The following WDR59 variants were observed in gnomAD, a reference collection of about 807,000 sequenced individuals.
WDR59 encodes the protein WD repeat domain 59.
WDR59 carries 100 observed loss-of-function variants against 131.2 expected under a neutral mutation model. The ratio of observed to expected loss-of-function variants is 0.76; its 90% CI spans 0.65 to 0.90. The LOEUF is 0.90. WDR59 is among the 40% of genes least tolerant of loss of function. The pLI, the probability that WDR59 is intolerant of heterozygous loss-of-function variation, is 0.00. For missense variants in WDR59, 1,203 were observed against 1,262.2 expected, an observed-to-expected ratio of 0.95 and a Z score of 0.71; for synonymous variants, 601 against 466.2, an observed-to-expected ratio of 1.29 and a Z score of -3.72.
intron 20 of WDR59, among the ~76,000 whole-genome samples, chr16:74,890,070 A>T (rs1045703435): frequency 4.6e-5 from 7 of 152,244 alleles, no homozygotes; most frequent in Non-Finnish European, 1.0e-4. Flanking sequence ...AAAATTTTTC[A>T]TTAAGCAAAC....
intron 13 of WDR59, 133 bp downstream of exon 13, chr16:74,915,737 A>T: frequency 2.2e-6 from 3 of 1,390,208 alleles, no homozygotes; most frequent in Non-Finnish European, 3.0e-6. Flanking sequence ...AAACCCAGGA[A>T]ATAAAAAAGC....
intron 25 of WDR59, among the ~76,000 whole-genome samples, chr16:74,885,122 C>CT (rs1046211743): frequency 5.3e-5 from 8 of 152,188 alleles, no homozygotes; most frequent in African/African-American, 2.4e-5. Flanking sequence ...CTCATCCGCG[C>CT]TGGAGTACTG....
intron 24 of WDR59, 80 bp downstream of exon 24, chr16:74,886,190 A>T: frequency 6.9e-7 from 1 of 1,448,718 alleles, no homozygotes; most frequent in South Asian, 1.3e-5. Flanking sequence ...AAAAAAAAAA[A>T]GTAAGAGTTG....
At chr16:74,951,230 T>C (rs1436793024) in intron 4 of WDR59, among the ~76,000 whole-genome samples, 1 of 149,988 alleles carries the variant, frequency 6.7e-6, no homozygotes, top group Non-Finnish European at 1.5e-5. Context: ...ATCCGGGATA[T>C]GGTCTGGGAT....
intron 1 of WDR59, chr16:74,979,154 C>G (rs1271588897): frequency 6.6e-6 from 1 of 151,982 alleles, no homozygotes; most frequent in Non-Finnish European, 1.5e-5. Context: ...CGCACTAGCC[C>G]CATTTCCATC....
intron 13 of WDR59, 62 bp from the exon 14 acceptor site, chr16:74,912,424 C>T: frequency 6.5e-7 from 1 of 1,547,278 alleles, no homozygotes; most frequent in Non-Finnish European, 8.8e-7. Flanking sequence ...TCGATGCAAG[C>T]ACATTTAACT....
intron 22 of WDR59, 82 bp from the exon 23 acceptor site, chr16:74,887,837 G>T: frequency 7.2e-7 from 1 of 1,382,792 alleles, no homozygotes; most frequent in Admixed American, 1.8e-5. Context: ...AAAACAGCAG[G>T]CCAAGCACGG....
chr16:74,892,687 C>T (rs1179243764), intron 19 of WDR59, 122 bp from the exon 20 acceptor site: 5 of 830,848 alleles, frequency 6.0e-6, no homozygotes, highest in Admixed American at 2.5e-5. Context: ...TGTTTTATTC[C>T]GCGTTGGCCT....
intron 6 of WDR59, among the ~76,000 whole-genome samples, chr16:74,945,469 T>C (rs973327226): frequency 6.6e-6 from 1 of 151,534 alleles, no homozygotes; most frequent in Non-Finnish European, 1.5e-5. Flanking sequence ...AGAGCGAGAC[T>C]CTGTCTCAAA....
At position 74,961,326 on chromosome 16, in the gene WDR59, C is replaced by A. The variant is rs183480078; in HGVS notation, c.104+4447G>T. ...AAAACAACAACAACAACAAAAAAAA[C>A]CCAATATAAGAAAATGAAAGTTCTA... On this transcript the variant is annotated intron_variant, in intron 2 of 25. Transcript: ENST00000262144. 1.8e-3 allele frequency among the ~76,000 whole-genome samples: 280 copies of A among 152,078 alleles called. 3 individuals carry two copies. Among genetic ancestry groups the A allele is most frequent in the Non-Finnish European group, 3.3e-3 (225 of 67,948 alleles).
intron 2 of WDR59, among the ~76,000 whole-genome samples, chr16:74,964,596 T>C (rs562767400): frequency 6.6e-6 from 1 of 152,278 alleles, no homozygotes; most frequent in East Asian, 1.9e-4. Flanking sequence ...AATTAAAACA[T>C]AATTTCAAAA....
At chr16:74,980,774 C>G (rs952775985) in intron 1 of WDR59, among the ~76,000 whole-genome samples, 1 of 151,376 alleles carries the variant, frequency 6.6e-6, no homozygotes, top group African/African-American at 2.4e-5. Flanking sequence ...GAGTTCAAGA[C>G]CAGCCTGGCC....
intron 25 of WDR59, among the ~76,000 whole-genome samples, chr16:74,875,166 C>T (rs1286282220): frequency 1.3e-5 from 2 of 152,222 alleles, no homozygotes; most frequent in Admixed American, 1.3e-4. Context: ...GCCCACTCGC[C>T]ACTGGCCCAA....
At chr16:74,920,518 A>G (rs1387714808) in intron 10 of WDR59, among the ~76,000 whole-genome samples, 1 of 152,180 alleles carries the variant, frequency 6.6e-6, no homozygotes, top group Non-Finnish European at 1.5e-5. Flanking sequence ...CTCCTGCCTC[A>G]GCCTCCGAAG....
intron 8 of WDR59, among the ~76,000 whole-genome samples, chr16:74,929,403 C>A (rs2031181523): frequency 6.6e-6 from 1 of 152,156 alleles, no homozygotes; most frequent in African/African-American, 2.4e-5. Context: ...GGAAGACATA[C>A]AAATGGCAAA....
Position 74,886,327 on chromosome 16 carries a change from C to G in WDR59, c.2489G>C (p.Ser830Thr), listed in dbSNP as rs371289271. Residue 830 changes from serine (S) to threonine (T), a missense_variant, in exon 24 of 26, where the codon AGT becomes ACT. Ser to Thr is a moderately conservative substitution (Grantham distance 58, BLOSUM62 1). Transcript: ENST00000262144. Reference protein sequence around the residue: ...ESSPEELRFGSLTYSDPRERE... With the variant: ...ESSPEELRFGTLTYSDPRERE... ...CTCACGGGGATCACTGTAGGTCAGA[C>G]TCCCAAAGCGGAGCTCTTCTGGTGA... The G allele has an allele frequency of 1.4e-5, 22 of 1,613,902 alleles. No homozygotes were observed. In the African/African-American group the frequency reaches 2.4e-4, roughly 18 times the overall value.
intron 1 of WDR59, among the ~76,000 whole-genome samples, chr16:74,976,414 G>T (rs1490285461): frequency 6.6e-6 from 1 of 151,336 alleles, no homozygotes; most frequent in Non-Finnish European, 1.5e-5. Context: ...ATGAATCTAG[G>T]ATACGAACGT....
At chr16:74,954,431 T>A (rs916662141) in intron 3 of WDR59, among the ~76,000 whole-genome samples, 4 of 152,056 alleles carry the variant, frequency 2.6e-5, no homozygotes, top group Admixed American at 2.0e-4. Flanking sequence ...CAAAAAGACA[T>A]AACAAAGTAC....
rs184468298 is a variant in WDR59, at chr16:74,899,745, G to A, written c.1866+4202C>T. ...ATGGACCAACGCCGCCGGGCAGAGC[G>A]AGGAGACATCTGTGCATGAAAACGT... On this transcript the variant is annotated intron_variant, in intron 18 of 25. Transcript: ENST00000262144. 20 of 1,289,174 alleles carry A rather than the reference G, an allele frequency of 1.6e-5. No individual in the cohort carries two copies. In the Admixed American group the frequency reaches 2.1e-4, roughly 13 times the overall value. The allele number at this position is 1,289,174 out of a possible 1,614,324, so 79.9% of individuals were successfully genotyped here. A position where few individuals can be genotyped will look rare whatever the true frequency, so the allele number is the denominator to read the frequency against.
Sources: allele counts gnomAD v4.1 joint callset (sites outside exome capture counted in the v4.1 genomes callset), GRCh38; gene constraint gnomAD v4.1.1; transcripts MANE v1.5; gene names NCBI Gene and HGNC (gene_info 2026-07-23, HGNC 2026-07-21).